The following CTNND2 variants were observed in gnomAD, a reference collection of about 807,000 sequenced individuals.
CTNND2 encodes the protein catenin delta 2, also known as catenin delta-2.
Under a neutral mutation model 144.4 loss-of-function variants are expected in CTNND2, and 22 were observed. The observed-to-expected ratio is 0.15, with a 90% CI of 0.11 to 0.22. CTNND2 has a LOEUF of 0.22. CTNND2 is among the 10% of genes least tolerant of loss of function. The pLI is 1.00. For missense variants in CTNND2, 1,353 were observed against 1,618.8 expected (o/e 0.84, Z 2.82); for synonymous variants, 751 against 695.6 (o/e 1.08, Z -1.25).
At chr5:11,184,762 G>A (rs190229535) in intron 11 of CTNND2, among the ~76,000 whole-genome samples, 1 of 152,168 alleles carries the variant, frequency 6.6e-6, no homozygotes, top group African/African-American at 2.4e-5. Flanking sequence ...ATTTTTGTGT[G>A]AAGTGAATCA....
intron 3 of CTNND2, among the ~76,000 whole-genome samples, chr5:11,550,593 C>G (rs1355688728): frequency 6.6e-6 from 1 of 152,214 alleles, no homozygotes; most frequent in Non-Finnish European, 1.5e-5. Flanking sequence ...AATTTTTAAA[C>G]TTCCTCAGCT....
At chr5:11,731,506 C>T (rs1239554441) in intron 2 of CTNND2, among the ~76,000 whole-genome samples, 1 of 152,144 alleles carries the variant, frequency 6.6e-6, no homozygotes, top group Non-Finnish European at 1.5e-5. Context: ...GAATCTTGAT[C>T]GTCCAGCTCT....
At chr5:11,521,616 T>C (rs1483566691) in intron 3 of CTNND2, among the ~76,000 whole-genome samples, 2 of 152,192 alleles carry the variant, frequency 1.3e-5, no homozygotes, top group Non-Finnish European at 2.9e-5. Flanking sequence ...ACCACAGATA[T>C]TAATATTCTG....
At chr5:11,397,874 A>G (rs1760286296) in intron 5 of CTNND2, among the ~76,000 whole-genome samples, 1 of 152,210 alleles carries the variant, frequency 6.6e-6, no homozygotes, top group African/African-American at 2.4e-5. Context: ...GTGAAGAATC[A>G]GTTTCTGGTC....
intron 10 of CTNND2, among the ~76,000 whole-genome samples, chr5:11,218,362 C>T (rs1739434927): frequency 6.6e-6 from 1 of 152,148 alleles, no homozygotes; most frequent in South Asian, 2.1e-4. Flanking sequence ...TGACAGTCTT[C>T]TCATTTGTAA....
chr5:11,608,971 A>AT (rs964307157), intron 2 of CTNND2, among the ~76,000 whole-genome samples: 23 of 151,964 alleles, frequency 1.5e-4, no homozygotes, highest in African/African-American at 4.8e-4. Flanking sequence ...GCCATATGGC[A>AT]TTTTTTCTTC....
intron 1 of CTNND2, among the ~76,000 whole-genome samples, chr5:11,822,687 T>C (rs575200686): frequency 2.8e-4 from 43 of 152,280 alleles, no homozygotes; most frequent in African/African-American, 9.9e-4. Flanking sequence ...AGCTGCCATA[T>C]TGGAGAGACC....
chr5:11,118,632 G>A (rs76752335), intron 12 of CTNND2, among the ~76,000 whole-genome samples: 7 of 152,288 alleles, frequency 4.6e-5, no homozygotes, highest in Non-Finnish European at 1.0e-4. Context: ...GGAGGGTCTG[G>A]CTGGGAGGAG....
chr5:11,155,697 C>G (rs1031690624), intron 12 of CTNND2, among the ~76,000 whole-genome samples: 1 of 152,124 alleles, frequency 6.6e-6, no homozygotes, highest in African/African-American at 2.4e-5. Context: ...TCAACTCAGG[C>G]CTCCAACAAA....
chr5:11,670,561 G>A (rs1783827821), intron 2 of CTNND2, among the ~76,000 whole-genome samples: 2 of 152,128 alleles, frequency 1.3e-5, no homozygotes, highest in Admixed American at 1.3e-4. Context: ...TCAGAGACAA[G>A]ACTAGGATTG....
chr5:11,240,550 A>ACC, intron 9 of CTNND2, among the ~76,000 whole-genome samples: 1 of 16,160 alleles, frequency 6.2e-5, no homozygotes, highest in Non-Finnish European at 9.6e-5. Flanking sequence ...CACACACCCA[A>ACC]CACACACACT....
chr5:11,228,375 A>C (rs978511125), intron 10 of CTNND2, among the ~76,000 whole-genome samples: 3 of 149,480 alleles, frequency 2.0e-5, no homozygotes, highest in Non-Finnish European at 3.0e-5. Context: ...AAAAAAAAAA[A>C]AAAACAAAGA....
intron 3 of CTNND2, among the ~76,000 whole-genome samples, chr5:11,437,339 T>C (rs1482643328): frequency 6.6e-6 from 1 of 152,224 alleles, no homozygotes; most frequent in South Asian, 2.1e-4. Context: ...GTCATCATCT[T>C]TATGTGCCTA....
chr5:11,526,360 G>A (rs7704924), intron 3 of CTNND2, among the ~76,000 whole-genome samples: 5,706 of 152,238 alleles, frequency 0.037, 369 homozygotes, highest in African/African-American at 0.13. Context: ...ATACCAACTC[G>A]CCTATGGTGA....
At chr5:11,554,992 T>C (rs1776091576) in intron 3 of CTNND2, among the ~76,000 whole-genome samples, 1 of 151,900 alleles carries the variant, frequency 6.6e-6, no homozygotes, top group South Asian at 2.1e-4. Context: ...AGATAATATG[T>C]ATACTGGAAG....
intron 12 of CTNND2, among the ~76,000 whole-genome samples, chr5:11,159,237 G>A (rs895127446): frequency 1.3e-5 from 2 of 152,110 alleles, no homozygotes; most frequent in South Asian, 4.1e-4. Flanking sequence ...GCCTGGTTGT[G>A]CTATATGCAT....
At chr5:11,724,163 T>C (rs540021137) in intron 2 of CTNND2, among the ~76,000 whole-genome samples, 56 of 148,858 alleles carry the variant, frequency 3.8e-4, no homozygotes, top group African/African-American at 1.3e-3. Context: ...TTGACTATAG[T>C]TAACTATTGA....
At chr5:11,138,458 G>A (rs1756374526) in intron 12 of CTNND2, among the ~76,000 whole-genome samples, 1 of 152,178 alleles carries the variant, frequency 6.6e-6, no homozygotes, top group Admixed American at 6.5e-5. Flanking sequence ...ACACCATTCT[G>A]CGAGGACACG....
chr5:11,258,251 A>G (rs1163431815), intron 9 of CTNND2, among the ~76,000 whole-genome samples: 3 of 152,196 alleles, frequency 2.0e-5, no homozygotes, highest in Admixed American at 2.0e-4. Flanking sequence ...GAGGCAGCCG[A>G]CATATGGCCC....
Sources: gnomAD v4.1 joint callset for allele counts (sites outside exome capture counted in the v4.1 genomes callset) on GRCh38, gnomAD v4.1.1 for gene constraint, MANE v1.5 for transcripts, NCBI Gene and HGNC (gene_info 2026-07-23, HGNC 2026-07-21) for gene names.